The following OSBPL10 variants were observed in gnomAD, a reference collection of about 807,000 sequenced individuals.
The protein encoded by OSBPL10 is oxysterol binding protein like 10.
A neutral mutation model predicts 81.7 loss-of-function variants in OSBPL10; 49 were observed. The observed-to-expected ratio is 0.60, with a 90% confidence interval of 0.48 to 0.76. OSBPL10 has a LOEUF of 0.76. Among genes scored for constraint, OSBPL10 ranks in the 30% least tolerant of loss-of-function variants. OSBPL10 has a pLI of 0.00. For synonymous variants in OSBPL10, 419 were observed against 383.6 expected, an observed-to-expected ratio of 1.09 and a Z score of -1.08; for missense variants, 923 against 987.8, an observed-to-expected ratio of 0.93 and a Z score of 0.88.
chr3:31,803,465 G>C (rs1331160715), intron 4 of OSBPL10, among the ~76,000 whole-genome samples: 4 of 152,158 alleles, frequency 2.6e-5, no homozygotes, highest in African/African-American at 9.7e-5. Context: ...TCACATGTAT[G>C]ATGGGTATTT....
chr3:31,807,363 AC>A (rs1469373178), intron 4 of OSBPL10, among the ~76,000 whole-genome samples: 1 of 150,672 alleles, frequency 6.6e-6, no homozygotes, highest in African/African-American at 2.4e-5. Context: ...ACAGAGCAAG[AC>A]TGTCTCAGAA....
At chr3:31,866,538 C>T (rs904007633) in intron 3 of OSBPL10, among the ~76,000 whole-genome samples, 1 of 152,216 alleles carries the variant, frequency 6.6e-6, no homozygotes, top group African/African-American at 2.4e-5. Context: ...TCTCTACGGC[C>T]TCCTTTCTCA....
At chr3:32,030,290 G>A (rs896211982) in intron 2 of OSBPL10, 7 of 415,068 alleles carry the variant, frequency 1.7e-5, no homozygotes, top group Admixed American at 2.8e-5. Context: ...ACGTGTATGC[G>A]AATCTATAAG....
Position 31,946,629 on chromosome 3 carries a change from G to A in OSBPL10, c.281+34270C>T, listed in dbSNP as rs181871496. Among the ~76,000 whole-genome samples, 792 of 152,276 alleles carry A rather than the reference G, an allele frequency of 5.2e-3. 13 individuals carry two copies. The highest frequency in any genetic ancestry group is 6.2e-3 in the Non-Finnish European group (421 of 68,024). On this transcript the variant is annotated intron_variant, in intron 1 of 11. Coordinates refer to ENST00000396556, the MANE Select transcript of OSBPL10 (RefSeq NM_017784.5). The stretch of plus-strand genomic sequence containing the variant: ...GCATCCACCTGCGAAAAGCACAAGA[G>A]CCCTCAGGAGGTGACAGGAAGCCTT...
chr3:31,823,816 C>G (rs1342009156), intron 4 of OSBPL10, among the ~76,000 whole-genome samples: 1 of 150,094 alleles, frequency 6.7e-6, no homozygotes, highest in African/African-American at 2.5e-5. Context: ...TTTGACTAGG[C>G]CCTTTTTAAT....
chr3:31,868,558 T>A (rs1701239624), intron 3 of OSBPL10, among the ~76,000 whole-genome samples: 1 of 151,984 alleles, frequency 6.6e-6, no homozygotes, highest in South Asian at 2.1e-4. Flanking sequence ...AAAGCCCAAC[T>A]AGCATCACAG....
chr3:32,016,644 C>G (rs890075986), intron 2 of OSBPL10, among the ~76,000 whole-genome samples: 2 of 152,050 alleles, frequency 1.3e-5, no homozygotes, highest in African/African-American at 4.8e-5. Context: ...AGCTTTATAT[C>G]GATGTTCTCT....
At chr3:31,987,115 T>TAC (rs71628591) in intron 2 of OSBPL10, among the ~76,000 whole-genome samples, 426 of 151,262 alleles carry the variant, frequency 2.8e-3, no homozygotes, top group African/African-American at 6.6e-3. Context: ...TGTATGTGTA[T>TAC]ACACACACAC....
At chr3:31,855,376 T>C (rs576979129) in intron 3 of OSBPL10, among the ~76,000 whole-genome samples, 95 of 152,360 alleles carry the variant, frequency 6.2e-4, no homozygotes, top group African/African-American at 2.2e-3. Flanking sequence ...CCCTTCTTGG[T>C]CTTTTATACT....
At chr3:31,860,502 T>C (rs1211278444) in intron 3 of OSBPL10, among the ~76,000 whole-genome samples, 2 of 152,098 alleles carry the variant, frequency 1.3e-5, no homozygotes, top group Non-Finnish European at 2.9e-5. Context: ...AAGGAAGTGA[T>C]AAGAGGGGAC....
intron 2 of OSBPL10, among the ~76,000 whole-genome samples, chr3:32,036,774 G>A (rs1488448033): frequency 4.0e-5 from 6 of 150,230 alleles, no homozygotes; most frequent in African/African-American, 1.5e-4. Flanking sequence ...AGTGAGCCAC[G>A]ATGGCACCAC....
At position 31,743,155 on chromosome 3, in the gene OSBPL10, C is replaced by G. The variant is rs1314061154; in HGVS notation, c.940+4755G>C. On this transcript the variant is annotated intron_variant, in intron 5 of 11. Transcript: ENST00000396556. ...TCCAGGGTTCAAGCGAATCTCCTGCCTCAGCCTCCTGAGTAGCTGAGATTA... is the reference window on the plus strand; with the variant it reads ...TCCAGGGTTCAAGCGAATCTCCTGCGTCAGCCTCCTGAGTAGCTGAGATTA... Among the ~76,000 whole-genome samples, 3 of 149,876 alleles carry G rather than the reference C, an allele frequency of 2.0e-5. No homozygotes were observed. The East Asian group carries it at 6.0e-4, about 30-fold the overall frequency.
chr3:31,929,790 T>C lies in OSBPL10; in HGVS notation c.282-49960A>G, dbSNP rs112686656. ...AAATAAAAATAAAGCTCTTACTAAG[T>C]AAGAAAAGAAAGCCCAATAACCGAA... On this transcript the variant is annotated intron_variant, in intron 1 of 11. Transcript: ENST00000396556. Among the ~76,000 whole-genome samples the C allele has an allele frequency of 3.0e-3, 445 of 147,590 alleles. 5 individuals carry two copies. Among genetic ancestry groups the C allele is most frequent in the African/African-American group, 0.011 (423 of 40,034 alleles).
At chr3:31,961,569 G>A (rs1698162961) in intron 1 of OSBPL10, among the ~76,000 whole-genome samples, 1 of 151,960 alleles carries the variant, frequency 6.6e-6, no homozygotes, top group African/African-American at 2.4e-5. Context: ...AGGGGGCTGG[G>A]CTAATTATTG....
intron 1 of OSBPL10, among the ~76,000 whole-genome samples, chr3:31,949,896 T>G (rs1358981597): frequency 6.6e-6 from 1 of 152,100 alleles, no homozygotes; most frequent in Admixed American, 6.6e-5. Flanking sequence ...CTGACTTGGT[T>G]TGGATCAGAG....
In OSBPL10 at chr3:31,980,970, G is replaced by A; in HGVS notation, c.210C>T (p.Gly70=). ...SVAASPSGGG[G]RRREPALEGV... ...CCTCGAGCGCCGGCTCCCTCCTGCG[G>A]CCGCCTCCCCCGGACGGGCTAGCGG... Residue 70 remains glycine (G), a synonymous_variant, in exon 1 of 12, where the codon GGC becomes GGT. Coordinates refer to ENST00000396556, the MANE Select transcript of OSBPL10 (RefSeq NM_017784.5). The A allele has an allele frequency of 1.9e-6, 3 of 1,568,258 alleles. No homozygotes were observed. Among genetic ancestry groups the A allele is most frequent in the South Asian group, 1.2e-5 (1 of 86,906 alleles).
At chr3:31,836,816 A>C (rs1478062599) in intron 3 of OSBPL10, among the ~76,000 whole-genome samples, 1 of 152,188 alleles carries the variant, frequency 6.6e-6, no homozygotes, top group Non-Finnish European at 1.5e-5. Context: ...TGCAATTCCA[A>C]GTACCAAGAC....
intron 2 of OSBPL10, among the ~76,000 whole-genome samples, chr3:32,002,234 G>A (rs1163687382): frequency 6.6e-6 from 1 of 152,074 alleles, no homozygotes; most frequent in Non-Finnish European, 1.5e-5. Context: ...ATGATGAATT[G>A]CTGTCCACTC....
At chr3:31,768,238 G>A (rs951487212) in intron 4 of OSBPL10, among the ~76,000 whole-genome samples, 9 of 152,224 alleles carry the variant, frequency 5.9e-5, no homozygotes, top group Middle Eastern at 3.4e-3. Flanking sequence ...TGAGGACCAC[G>A]AGAGGTCACG....
Sources: gnomAD v4.1 joint callset for allele counts (sites outside exome capture counted in the v4.1 genomes callset) on GRCh38, gnomAD v4.1.1 for gene constraint, MANE v1.5 for transcripts, NCBI Gene and HGNC (gene_info 2026-07-23, HGNC 2026-07-21) for gene names.